Variants in PPA2 observed in about 807,000 individuals in gnomAD.
PPA2 encodes the protein inorganic pyrophosphatase 2, mitochondrial.
Under a neutral mutation model 49.5 loss-of-function variants are expected in PPA2, and 48 were observed. The observed-to-expected ratio is 0.97, with a 90% CI of 0.77 to 1.23. The LOEUF is 1.23. Ranked by LOEUF, PPA2 falls within the 50% of genes most tolerant of loss-of-function variation. The probability of loss-of-function intolerance (pLI) is 0.00; values close to 1 mark genes in which losing one functional copy is unlikely to be tolerated. For missense variants in PPA2, 429 were observed against 410.1 expected, an observed-to-expected ratio of 1.05 and a Z score of -0.40; for synonymous variants, 131 against 139.9, an observed-to-expected ratio of 0.94 and a Z score of 0.45.
intron 5 of PPA2, among the ~76,000 whole-genome samples, chr4:105,439,298 T>A (rs377195335): frequency 6.6e-5 from 10 of 152,240 alleles, no homozygotes; most frequent in African/African-American, 2.4e-4. Context: ...TTAGAACTCA[T>A]GCTACTAATC....
intron 7 of PPA2, among the ~76,000 whole-genome samples, chr4:105,423,754 G>C (rs376143424): frequency 6.6e-6 from 1 of 152,180 alleles, no homozygotes; most frequent in Non-Finnish European, 1.5e-5. Context: ...ACAAAAACTA[G>C]GTGCAGAAAT....
chr4:105,375,643 T>C (rs1733221014), intron 10 of PPA2, among the ~76,000 whole-genome samples: 1 of 152,044 alleles, frequency 6.6e-6, no homozygotes, highest in Non-Finnish European at 1.5e-5. Flanking sequence ...GATAAGAGGG[T>C]ATCCCAGCCA....
intron 7 of PPA2, among the ~76,000 whole-genome samples, chr4:105,420,061 C>T (rs1397242565): frequency 1.3e-5 from 2 of 152,072 alleles, no homozygotes; most frequent in Non-Finnish European, 2.9e-5. Flanking sequence ...CAACCTCCGC[C>T]TCCTGGGTTC....
Position 105,449,408 on chromosome 4 carries a change from A to G in PPA2, c.268-5T>C, listed in dbSNP as rs750625213. The G allele has an allele frequency of 1.3e-6, 2 of 1,555,418 alleles. No individual in the cohort carries two copies. Among genetic ancestry groups the G allele is most frequent in the East Asian group, 4.5e-5 (2 of 44,220 alleles). ...TACAATCATATTAAACAGATTCTGCAGTTAAAAACAAAACAAAGAGAGAAC... is the reference window on the plus strand; with the variant it reads ...TACAATCATATTAAACAGATTCTGCGGTTAAAAACAAAACAAAGAGAGAAC... On this transcript the variant is annotated splice_region_variant and splice_polypyrimidine_tract_variant and intron_variant, in intron 3 of 11. Transcript: ENST00000341695.
intron 5 of PPA2, among the ~76,000 whole-genome samples, chr4:105,443,926 TC>T (rs1437004643): frequency 6.6e-6 from 1 of 152,192 alleles, no homozygotes; most frequent in African/African-American, 2.4e-5. Context: ...TTCACTGAGA[TC>T]GTCTCCCTGT....
At chr4:105,456,121 A>G in intron 2 of PPA2, 1 of 391,818 alleles carries the variant, frequency 2.6e-6, no homozygotes, top group Non-Finnish European at 5.0e-6. Context: ...CAGTTCTAAG[A>G]GAACAGCTAT....
At position 105,460,813 on chromosome 4, in the gene PPA2, T is replaced by C. The variant is rs370136979; in HGVS notation, c.158-4068A>G. On this transcript the variant is annotated intron_variant, in intron 1 of 11. Transcript: ENST00000341695. ...AAATTTCCCCAAAGATCCAATGCTC[T>C]TGTTAACTGTGGACAAGCCCAATAC... Among the ~76,000 whole-genome samples, 8 of 149,480 alleles carry C rather than the reference T, an allele frequency of 5.4e-5. No homozygotes were observed. In the East Asian group the frequency reaches 1.5e-3, roughly 29 times the overall value.
chr4:105,443,832 G>C (rs1314459496), intron 5 of PPA2, among the ~76,000 whole-genome samples: 2 of 152,010 alleles, frequency 1.3e-5, no homozygotes, highest in African/African-American at 4.8e-5. Flanking sequence ...TATACTTGCT[G>C]TTTCTTGTTG....
intron 7 of PPA2, chr4:105,405,840 C>T (rs1722446535): frequency 2.2e-6 from 1 of 460,874 alleles, no homozygotes; most frequent in Non-Finnish European, 4.3e-6. Flanking sequence ...CAGGGGCACA[C>T]AGGAATCCTG....
intron 7 of PPA2, chr4:105,405,163 A>G (rs1276915786): frequency 6.4e-6 from 4 of 625,142 alleles, no homozygotes; most frequent in Non-Finnish European, 8.0e-6. Context: ...GATTTTCATT[A>G]ATATTGACAG....
At chr4:105,394,263 A>C (rs1734041532) in intron 9 of PPA2, among the ~76,000 whole-genome samples, 3 of 150,150 alleles carry the variant, frequency 2.0e-5, no homozygotes, top group Non-Finnish European at 4.4e-5. Flanking sequence ...GCTACTTGAG[A>C]GGCTGAGGCA....
intron 3 of PPA2, among the ~76,000 whole-genome samples, chr4:105,450,426 G>C (rs978455966): frequency 1.3e-5 from 2 of 151,124 alleles, no homozygotes; most frequent in Non-Finnish European, 2.9e-5. Flanking sequence ...ACCCAGGCTG[G>C]AGTGCAGCAG....
At chr4:105,373,918 T>C (rs1733133627) in intron 10 of PPA2, among the ~76,000 whole-genome samples, 1 of 152,118 alleles carries the variant, frequency 6.6e-6, no homozygotes, top group Non-Finnish European at 1.5e-5. Flanking sequence ...AATGGATTCA[T>C]GATAAACATC....
chr4:105,394,783 T>TG (rs1734070770), intron 9 of PPA2, among the ~76,000 whole-genome samples: 1 of 152,082 alleles, frequency 6.6e-6, no homozygotes, highest in South Asian at 2.1e-4. Flanking sequence ...TGAGGAAACC[T>TG]GGGGAAACAC....
intron 5 of PPA2, 31 bp downstream of exon 5, chr4:105,446,352 G>A: frequency 6.6e-7 from 1 of 1,523,790 alleles, no homozygotes. Context: ...CAGAAGACAG[G>A]AACATTTTAC....
chr4:105,461,931 T>A (rs1366856958), intron 1 of PPA2, among the ~76,000 whole-genome samples: 3 of 152,200 alleles, frequency 2.0e-5, no homozygotes, highest in Admixed American at 2.0e-4. Flanking sequence ...GTTAGAAAAC[T>A]GAACATTTCC....
intron 9 of PPA2, among the ~76,000 whole-genome samples, chr4:105,390,598 C>A (rs1180933029): frequency 6.6e-6 from 1 of 152,162 alleles, no homozygotes; most frequent in Non-Finnish European, 1.5e-5. Flanking sequence ...ATCAAAACCA[C>A]AATGAGATAC....
At chr4:105,406,874 A>G (rs1359449791) in intron 7 of PPA2, 1 of 152,154 alleles carries the variant, frequency 6.6e-6, no homozygotes, top group Non-Finnish European at 1.5e-5. Context: ...ATTAGAAGCA[A>G]TGGGGGCTGA....
chr4:105,443,584 G>T, intron 5 of PPA2, among the ~76,000 whole-genome samples: 1 of 138,926 alleles, frequency 7.2e-6, no homozygotes. Context: ...TGCAATTTAT[G>T]GTGTATTCAC....
Sources: allele counts gnomAD v4.1 joint callset (sites outside exome capture counted in the v4.1 genomes callset), GRCh38; gene constraint gnomAD v4.1.1; transcripts MANE v1.5; gene names NCBI Gene and HGNC (gene_info 2026-07-23, HGNC 2026-07-21).